Variants in STXBP5 observed in about 807,000 individuals in gnomAD.
The protein encoded by STXBP5 is syntaxin binding protein 5.
A neutral mutation model predicts 152.4 loss-of-function variants in STXBP5; 50 were observed. The observed-to-expected ratio is 0.33, with a 90% CI of 0.26 to 0.42. The LOEUF is 0.42. Among genes scored for constraint, STXBP5 ranks in the 10% least tolerant of loss-of-function variants. STXBP5 has a pLI of 1.00. For synonymous variants in STXBP5, 492 were observed against 494.7 expected (o/e 0.99, Z 0.07); for missense variants, 1,167 against 1,388.6 (o/e 0.84, Z 2.54).
intron 4 of STXBP5, among the ~76,000 whole-genome samples, chr6:147,246,476 A>C (rs1377416823): frequency 6.6e-6 from 1 of 152,180 alleles, no homozygotes; most frequent in Non-Finnish European, 1.5e-5. Context: ...TCACATAAAT[A>C]ATTATTCTCA....
chr6:147,204,496 CT>C lies in STXBP5; in HGVS notation c.-36del, dbSNP rs763172720. 36 of 1,605,748 alleles carry C rather than the reference CT, an allele frequency of 2.2e-5. No homozygotes were observed. The highest frequency in any genetic ancestry group is 2.0e-5 in the Non-Finnish European group (24 of 1,177,244). The stretch of plus-strand genomic sequence containing the variant: ...TCCCCCGCCCGGGGACCCCCTGTGC[CT>C]CCCCTCCCGGGCTGCGGGGGAGCCC... On this transcript the variant is annotated 5_prime_UTR_variant, in exon 1 of 28. Coordinates refer to ENST00000321680, the MANE Select transcript of STXBP5 (RefSeq NM_001127715.4). This position sits in a 1 kb window ranked among gnomAD's most constrained non-coding sequence, Gnocchi z 4.3.
chr6:147,293,735 G>A (rs753093527), intron 9 of STXBP5, among the ~76,000 whole-genome samples: 4 of 152,150 alleles, frequency 2.6e-5, no homozygotes, highest in Non-Finnish European at 4.4e-5. Flanking sequence ...CATTGGCCAG[G>A]TTAGGTCCTC....
Position 147,387,959 on chromosome 6 carries a change from A to G in STXBP5, c.*3204A>G, listed in dbSNP as rs915218727. ...TATGTGGAAGACACCACGGAGTTCA[A>G]AGTTTTACCCTGAGTTCTATCTTCC... On this transcript the variant is annotated 3_prime_UTR_variant, in exon 28 of 28. Transcript: ENST00000321680. 2 of 151,758 alleles carry G rather than the reference A, an allele frequency of 1.3e-5. No homozygotes were observed. Among genetic ancestry groups the G allele is most frequent in the African/African-American group, 4.8e-5 (2 of 41,402 alleles). The allele number at this position is 151,758 out of a possible 1,614,324, so 9.4% of individuals were successfully genotyped here. A position where few individuals can be genotyped will look rare whatever the true frequency, so the allele number is the denominator to read the frequency against.
chr6:147,319,465 A>G lies in STXBP5; in HGVS notation c.1802+3058A>G, dbSNP rs546217839. ...CCTTTGAGCATATGACAAGTGATTCATAAGGCAATTACATTGTTTTGAGTT... is the reference window on the plus strand; with the variant it reads ...CCTTTGAGCATATGACAAGTGATTCGTAAGGCAATTACATTGTTTTGAGTT... On this transcript the variant is annotated intron_variant, in intron 16 of 27. Transcript: ENST00000321680. Among the ~76,000 whole-genome samples the G allele has an allele frequency of 7.2e-5, 11 of 152,326 alleles. No individual in the cohort carries two copies. The South Asian group carries it at 2.3e-3, about 32-fold the overall frequency.
At chr6:147,275,811 C>T (rs978992442) in intron 7 of STXBP5, among the ~76,000 whole-genome samples, 5 of 152,110 alleles carry the variant, frequency 3.3e-5, no homozygotes, top group South Asian at 2.1e-4. Context: ...CCCGCCTTGG[C>T]CTCCCAAAGT....
intron 25 of STXBP5, among the ~76,000 whole-genome samples, chr6:147,372,077 A>G (rs978093283): frequency 1.8e-4 from 27 of 152,158 alleles, no homozygotes; most frequent in Non-Finnish European, 3.5e-4. Flanking sequence ...GATTTATTGA[A>G]TTCAGAAAGT....
chr6:147,247,658 TGTC>T lies in STXBP5; in HGVS notation c.431+8389_431+8391del, dbSNP rs368568730. Among the ~76,000 whole-genome samples the T allele has an allele frequency of 3.5e-4, 54 of 152,318 alleles. 1 individual carries two copies. The South Asian group carries it at 8.3e-3, about 23-fold the overall frequency. ...CTTTGAATACCTCTACCCTTTTCCT[TGTC>T]AGAATTTCTCCTACAATTCTGCATC... On this transcript the variant is annotated intron_variant, in intron 4 of 27. Transcript: ENST00000321680.
At chr6:147,281,799 A>C (rs1345464627) in intron 8 of STXBP5, among the ~76,000 whole-genome samples, 1 of 152,234 alleles carries the variant, frequency 6.6e-6, no homozygotes, top group Non-Finnish European at 1.5e-5. Context: ...TCTGTTCAGA[A>C]GGTATTATGT....
intron 17 of STXBP5, 21 bp downstream of exon 17, chr6:147,325,105 T>C: frequency 6.8e-7 from 1 of 1,478,762 alleles, no homozygotes; most frequent in East Asian, 2.4e-5. Context: ...GTTACGTTTT[T>C]TTCTAAGTCT....
chr6:147,361,439 CT>C (rs1413281376), intron 23 of STXBP5, among the ~76,000 whole-genome samples: 1 of 151,928 alleles, frequency 6.6e-6, no homozygotes, highest in African/African-American at 2.4e-5. Flanking sequence ...TGATGGAATC[CT>C]TGAGGTTTGT....
At chr6:147,302,857 A>G (rs1781893652) in intron 9 of STXBP5, among the ~76,000 whole-genome samples, 1 of 152,188 alleles carries the variant, frequency 6.6e-6, no homozygotes. Flanking sequence ...GATATCAATT[A>G]TGTCTTTATT....
At chr6:147,239,433 G>A (rs1778432441) in intron 4 of STXBP5, among the ~76,000 whole-genome samples, 163 bp downstream of exon 4, 1 of 152,110 alleles carries the variant, frequency 6.6e-6, no homozygotes, top group Non-Finnish European at 1.5e-5. Flanking sequence ...TTCTTTTTTA[G>A]ATCCATCTTA....
At chr6:147,330,293 A>G (rs887221026) in intron 18 of STXBP5, among the ~76,000 whole-genome samples, 1 of 152,162 alleles carries the variant, frequency 6.6e-6, no homozygotes, top group Non-Finnish European at 1.5e-5. Flanking sequence ...TTGTGTGTAT[A>G]TTAAATATAC....
intron 11 of STXBP5, 64 bp from the exon 12 acceptor site, chr6:147,313,820 T>C: frequency 9.2e-7 from 1 of 1,089,626 alleles, no homozygotes; most frequent in Non-Finnish European, 1.2e-6. Flanking sequence ...GTTTTTATTT[T>C]TGTATTAATC....
At chr6:147,353,107 G>T (rs1030303725) in intron 21 of STXBP5, among the ~76,000 whole-genome samples, 1 of 152,158 alleles carries the variant, frequency 6.6e-6, no homozygotes, top group African/African-American at 2.4e-5. Context: ...TCACACCACT[G>T]CACTCAGCCT....
chr6:147,277,495 T>C (rs927284428), intron 7 of STXBP5, among the ~76,000 whole-genome samples: 1 of 152,044 alleles, frequency 6.6e-6, no homozygotes, highest in Non-Finnish European at 1.5e-5. Flanking sequence ...ATAAAAATAT[T>C]TTCCAGATAG....
intron 9 of STXBP5, among the ~76,000 whole-genome samples, chr6:147,301,676 C>A (rs1717788497): frequency 6.6e-6 from 1 of 152,178 alleles, no homozygotes; most frequent in African/African-American, 2.4e-5. Flanking sequence ...AATCTCACAC[C>A]TAACTATGAT....
chr6:147,220,787 G>A (rs376762064), intron 2 of STXBP5, among the ~76,000 whole-genome samples: 6 of 152,078 alleles, frequency 3.9e-5, no homozygotes, highest in Admixed American at 2.0e-4. Context: ...TGCAGACAGC[G>A]TATAGCTGGG....
At chr6:147,291,410 T>C (rs1781270996) in intron 9 of STXBP5, among the ~76,000 whole-genome samples, 1 of 152,190 alleles carries the variant, frequency 6.6e-6, no homozygotes, top group Admixed American at 6.5e-5. Flanking sequence ...TTATTTTTCC[T>C]GTTAAACTTC....
Sources: allele counts gnomAD v4.1 joint callset (sites outside exome capture counted in the v4.1 genomes callset), GRCh38; gene constraint gnomAD v4.1.1; non-coding constraint Gnocchi (gnomAD v3.1); transcripts MANE v1.5; gene names NCBI Gene and HGNC (gene_info 2026-07-23, HGNC 2026-07-21).